Variants in CFAP61 observed in about 807,000 individuals in gnomAD.
CFAP61 encodes the protein cilia- and flagella-associated protein 61.
A neutral mutation model predicts 135.6 loss-of-function variants in CFAP61; 107 were observed. The ratio of observed to expected loss-of-function variants is 0.79; its 90% CI spans 0.67 to 0.93. CFAP61 has a LOEUF of 0.93. Among genes scored for constraint, CFAP61 ranks in the 40% least tolerant of loss-of-function variants. CFAP61 has a pLI of 0.00. For synonymous variants in CFAP61, 575 were observed against 578.5 expected (o/e 0.99, Z 0.09); for missense variants, 1,507 against 1,556.2 (o/e 0.97, Z 0.53).
At chr20:20,145,196 C>T (rs2051772322) in intron 9 of CFAP61, among the ~76,000 whole-genome samples, 1 of 151,984 alleles carries the variant, frequency 6.6e-6, no homozygotes, top group Non-Finnish European at 1.5e-5. Flanking sequence ...AAAAATAGCG[C>T]CGGGTTTATA....
chr20:20,181,557 C>T (rs16981664), intron 13 of CFAP61, among the ~76,000 whole-genome samples: 18,901 of 151,880 alleles, frequency 0.12, 1,346 homozygotes, highest in Non-Finnish European at 0.15. Flanking sequence ...ACTTCTTCAC[C>T]GAGAGGTGTC....
chr20:20,111,114 T>A (rs943900809), intron 8 of CFAP61, among the ~76,000 whole-genome samples: 1 of 152,208 alleles, frequency 6.6e-6, no homozygotes, highest in African/African-American at 2.4e-5. Flanking sequence ...GAATTTATAA[T>A]CACCCCAATT....
chr20:20,232,512 G>A (rs904777313), intron 18 of CFAP61, among the ~76,000 whole-genome samples: 2 of 152,042 alleles, frequency 1.3e-5, no homozygotes, highest in African/African-American at 2.4e-5. Context: ...CTGTGAGTTC[G>A]TTAGAAATGC....
intron 8 of CFAP61, among the ~76,000 whole-genome samples, chr20:20,135,990 A>AT (rs55793104): frequency 0.9 from 137,185 of 152,168 alleles, 62,654 homozygotes; most frequent in Middle Eastern, 0.99. Flanking sequence ...TTTGAAGGAT[A>AT]TTTTTGCCAG....
chr20:20,227,639 GC>G (rs2048837175), intron 17 of CFAP61, among the ~76,000 whole-genome samples: 1 of 152,180 alleles, frequency 6.6e-6, no homozygotes, highest in East Asian at 1.9e-4. Context: ...CTTCTGAGAG[GC>G]CTCCTGACTC....
intron 7 of CFAP61, among the ~76,000 whole-genome samples, chr20:20,095,196 T>C (rs1375960526): frequency 6.6e-6 from 1 of 152,150 alleles, no homozygotes; most frequent in Non-Finnish European, 1.5e-5. Flanking sequence ...GCGCATTCCC[T>C]CCCAACTACA....
intron 22 of CFAP61, among the ~76,000 whole-genome samples, chr20:20,280,211 C>T (rs1050916325): frequency 2.0e-5 from 3 of 152,220 alleles, no homozygotes; most frequent in East Asian, 3.9e-4. Context: ...TACAGGGACA[C>T]GCAATGAAGA....
At chr20:20,356,069 G>T in intron 26 of CFAP61, among the ~76,000 whole-genome samples, 1 of 125,116 alleles carries the variant, frequency 8.0e-6, no homozygotes, top group Non-Finnish European at 1.7e-5. Context: ...GGGAGGTAGT[G>T]ACACTGTGAG....
chr20:20,282,874 G>A (rs1222053634), intron 22 of CFAP61, among the ~76,000 whole-genome samples: 1 of 151,668 alleles, frequency 6.6e-6, no homozygotes, highest in Non-Finnish European at 1.5e-5. Context: ...AGGAGGTGGA[G>A]GTTGCAGTGA....
chr20:20,187,924 AC>A lies in CFAP61; in HGVS notation c.1386-3del. 2.5e-6 allele frequency: 4 copies of A among 1,610,824 alleles called. No individual in the cohort carries two copies. The highest frequency in any genetic ancestry group is 1.7e-6 in the Non-Finnish European group (2 of 1,177,036). ...AACTTAAAAATATATTCCTCTCCTTACCCAGGTCCATTAATATAAGATTTGC... is the reference window on the plus strand; with the variant it reads ...AACTTAAAAATATATTCCTCTCCTTACCAGGTCCATTAATATAAGATTTGC... On this transcript the variant is annotated splice_polypyrimidine_tract_variant and splice_region_variant and intron_variant, in intron 13 of 26. Transcript: ENST00000245957.
At chr20:20,356,470 CTGAGGGGAGGTGGTCACAG>C (rs1602179234) in intron 26 of CFAP61, among the ~76,000 whole-genome samples, 3 of 65,746 alleles carry the variant, frequency 4.6e-5, no homozygotes, top group Non-Finnish European at 6.5e-5. Flanking sequence ...GGTGGTCACA[CTGAGGGGAGGTGGTCACAG>C]TGTGAGGGGA....
intron 23 of CFAP61, among the ~76,000 whole-genome samples, chr20:20,289,478 C>T (rs973683912): frequency 6.6e-5 from 10 of 152,176 alleles, no homozygotes; most frequent in African/African-American, 2.4e-4. Context: ...ATGAGAAATA[C>T]CTTTGAAAAT....
intron 7 of CFAP61, among the ~76,000 whole-genome samples, chr20:20,098,138 C>T (rs989577066): frequency 6.6e-6 from 1 of 152,094 alleles, no homozygotes; most frequent in African/African-American, 2.4e-5. Context: ...ACTTATGCAC[C>T]ACTAGGTGTG....
chr20:20,181,621 A>G (rs1406963596), intron 13 of CFAP61, among the ~76,000 whole-genome samples: 1 of 152,140 alleles, frequency 6.6e-6, no homozygotes, highest in Non-Finnish European at 1.5e-5. Context: ...GAGAGAAAGC[A>G]TAAGAGAGAG....
intron 17 of CFAP61, 137 bp downstream of exon 17, chr20:20,200,039 G>T: frequency 9.5e-7 from 1 of 1,050,390 alleles, no homozygotes. Context: ...CTTACAGGCG[G>T]AGCCCCGCGA....
intron 25 of CFAP61, among the ~76,000 whole-genome samples, chr20:20,335,668 AC>A (rs1447740432): frequency 6.6e-6 from 1 of 152,076 alleles, no homozygotes; most frequent in Non-Finnish European, 1.5e-5. Flanking sequence ...CCATGGAACC[AC>A]CCTGGCAGCC....
chr20:20,058,449 T>C (rs2044542437), intron 2 of CFAP61, among the ~76,000 whole-genome samples: 3 of 152,226 alleles, frequency 2.0e-5, no homozygotes, highest in African/African-American at 7.2e-5. Flanking sequence ...CACATTCTAT[T>C]AATAGCAACT....
intron 18 of CFAP61, among the ~76,000 whole-genome samples, chr20:20,230,687 C>T (rs548850466): frequency 3.0e-4 from 45 of 152,304 alleles, no homozygotes; most frequent in Non-Finnish European, 5.3e-4. Flanking sequence ...TCCCAAGTAG[C>T]TGGTACTACA....
At chr20:20,353,087 C>G (rs945716437) in intron 26 of CFAP61, among the ~76,000 whole-genome samples, 2 of 152,192 alleles carry the variant, frequency 1.3e-5, no homozygotes, top group African/African-American at 4.8e-5. Context: ...TGAATAGACA[C>G]TTCTCAAAAG....
Sources: allele counts gnomAD v4.1 joint callset (sites outside exome capture counted in the v4.1 genomes callset), GRCh38; gene constraint gnomAD v4.1.1; transcripts MANE v1.5; gene names NCBI Gene and HGNC (gene_info 2026-07-23, HGNC 2026-07-21).